PIWIL3: variants seen among roughly 807,000 people sequenced by gnomAD.
PIWIL3 encodes the protein piwi like RNA-mediated gene silencing 3, also known as piwi-like protein 3.
A neutral mutation model predicts 109.7 loss-of-function variants in PIWIL3; 101 were observed. The ratio of observed to expected loss-of-function variants is 0.92; its 90% confidence interval spans 0.78 to 1.09. The LOEUF (loss-of-function observed/expected upper bound fraction) is 1.09. Among genes scored for constraint, PIWIL3 ranks in the 50% least tolerant of loss-of-function variants. PIWIL3 has a pLI of 0.00. For synonymous variants in PIWIL3, 373 were observed against 376.4 expected (o/e 0.99, Z 0.10); for missense variants, 1,031 against 1,072.6 (o/e 0.96, Z 0.54).
chr22:24,741,593 A>C lies in PIWIL3; in HGVS notation c.1450-5701T>G, dbSNP rs534196508. On this transcript the variant is annotated intron_variant, in intron 12 of 20. Coordinates refer to ENST00000616349, the MANE Select transcript of PIWIL3 (RefSeq NM_001255975.1). ...ATCGGCATAGAAGGGACATACCTTAAGGTAATAAAAGCCATAGGATATAAA... is the reference window on the plus strand; with the variant it reads ...ATCGGCATAGAAGGGACATACCTTACGGTAATAAAAGCCATAGGATATAAA... Among the ~76,000 whole-genome samples, 109 of 152,310 alleles carry C rather than the reference A, an allele frequency of 7.2e-4. 2 individuals carry two copies. In the South Asian group the frequency reaches 0.022, roughly 31 times the overall value.
chr22:24,754,897 T>G, intron 6 of PIWIL3, 33 bp from the exon 7 acceptor site: 1 of 1,556,764 alleles, frequency 6.4e-7, no homozygotes, highest in Non-Finnish European at 8.9e-7. Flanking sequence ...TTGTTGAAAG[T>G]ACAGGGTACA....
At chr22:24,734,773 T>C (rs1923557606) in intron 13 of PIWIL3, among the ~76,000 whole-genome samples, 1 of 151,222 alleles carries the variant, frequency 6.6e-6, no homozygotes, top group Non-Finnish European at 1.5e-5. Context: ...GGTCCTGTGT[T>C]CCTAACAAAC....
chr22:24,770,834 CA>C (rs1258729535), intron 1 of PIWIL3, among the ~76,000 whole-genome samples: 1 of 149,322 alleles, frequency 6.7e-6, no homozygotes, highest in Non-Finnish European at 1.5e-5. Context: ...GACTCCATCT[CA>C]AAAAAATAAT....
intron 2 of PIWIL3, chr22:24,762,028 T>C: frequency 3.0e-6 from 3 of 997,198 alleles, no homozygotes; most frequent in Non-Finnish European, 3.6e-6. Context: ...TAACAAGTTT[T>C]CAACAAGGCT....
In PIWIL3 at chr22:24,749,408, G is replaced by T; in HGVS notation, c.1330C>A (p.Gln444Lys). 6.2e-7 allele frequency: 1 copy of T among 1,613,708 alleles called. No homozygotes were observed. Among genetic ancestry groups the T allele is most frequent in the African/African-American group, 1.3e-5 (1 of 75,010 alleles). The change falls in exon 11 of 21, where the codon CAA becomes AAA. Residue 444 changes from glutamine to lysine, a missense_variant. Transcript: ENST00000616349. Reference protein sequence around the residue: ...HTLKEFINTLQDNKKVRELLQ... With the variant: ...HTLKEFINTLKDNKKVRELLQ... ...AGCCAGAAAAGCAGCACTTACTCTT[G>T]TAGAGTATTGATGAATTCTTTTAAT...
At chr22:24,731,444 A>C (rs1249195568) in intron 14 of PIWIL3, among the ~76,000 whole-genome samples, 1 of 151,790 alleles carries the variant, frequency 6.6e-6, no homozygotes, top group Non-Finnish European at 1.5e-5. Flanking sequence ...CAAGGTCAGG[A>C]GATTGAGACC....
intron 12 of PIWIL3, among the ~76,000 whole-genome samples, chr22:24,741,772 C>T (rs1440265943): frequency 6.6e-6 from 1 of 152,056 alleles, no homozygotes; most frequent in East Asian, 1.9e-4. Context: ...AATTAGATAA[C>T]CCAATGATCA....
intron 16 of PIWIL3, 111 bp downstream of exon 16, chr22:24,727,839 T>A: frequency 1.2e-6 from 1 of 826,196 alleles, no homozygotes; most frequent in Non-Finnish European, 1.9e-6. Context: ...TAAGAATAAC[T>A]CATCTGTCAA....
intron 3 of PIWIL3, among the ~76,000 whole-genome samples, chr22:24,759,055 A>T (rs915358531): frequency 1.3e-5 from 2 of 152,120 alleles, no homozygotes; most frequent in African/African-American, 4.8e-5. Context: ...CACCATGCCC[A>T]GCTAATTTGT....
Position 24,719,483 on chromosome 22 carries a change from AGAGAC to A in PIWIL3, c.2606_2610del (p.Arg869LeufsTer25). On this transcript the variant is annotated frameshift_variant, in exon 21 of 21. Transcript: ENST00000616349. LOFTEE classifies it high-confidence loss of function. ...TCTTCTTCTGCAGGTCAAAGGTAAA[AGAGAC>A]GAGTTGACAAGGAACGATTCGGTTC... 1 of 1,584,804 alleles carries A rather than the reference AGAGAC, an allele frequency of 6.3e-7. No homozygotes were observed. Among genetic ancestry groups the A allele is most frequent in the East Asian group, 2.2e-5 (1 of 44,698 alleles).
chr22:24,743,858 A>T (rs1169426764), intron 12 of PIWIL3, among the ~76,000 whole-genome samples: 2 of 152,096 alleles, frequency 1.3e-5, no homozygotes, highest in East Asian at 1.9e-4. Flanking sequence ...GCAAACGACA[A>T]ATTTAAAATA....
chr22:24,756,716 G>C lies in PIWIL3; in HGVS notation c.356-11C>G. 6.3e-7 allele frequency: 1 copy of C among 1,599,648 alleles called. No individual in the cohort carries two copies. The highest frequency in any genetic ancestry group is 8.6e-7 in the Non-Finnish European group (1 of 1,167,992). On this transcript the variant is annotated splice_polypyrimidine_tract_variant and intron_variant, in intron 4 of 20. Transcript: ENST00000616349. Reference sequence around the variant, plus strand: ...CTGTACCCTCTGAACCTGAAAAATGGAGCCACATGACAATAAAGAAACAGA... The same window carrying C: ...CTGTACCCTCTGAACCTGAAAAATGCAGCCACATGACAATAAAGAAACAGA...
At chr22:24,750,100 G>A (rs912964765) in intron 9 of PIWIL3, among the ~76,000 whole-genome samples, 2 of 152,160 alleles carry the variant, frequency 1.3e-5, no homozygotes, top group African/African-American at 4.8e-5. Flanking sequence ...ATATGAGAAT[G>A]GGTGAGACAG....
chr22:24,762,708 C>T (rs1188464688), intron 1 of PIWIL3, among the ~76,000 whole-genome samples, 187 bp from the exon 2 acceptor site: 1 of 152,180 alleles, frequency 6.6e-6, no homozygotes, highest in Non-Finnish European at 1.5e-5. Flanking sequence ...CATGCTGCTT[C>T]AACTCCTGGT....
intron 14 of PIWIL3, among the ~76,000 whole-genome samples, chr22:24,732,002 T>C (rs898255737): frequency 6.6e-6 from 1 of 152,188 alleles, no homozygotes; most frequent in Non-Finnish European, 1.5e-5. Context: ...TCATTTAAAA[T>C]AGTGATCTGC....
chr22:24,767,160 A>G (rs1925843307), intron 1 of PIWIL3, among the ~76,000 whole-genome samples: 1 of 151,836 alleles, frequency 6.6e-6, no homozygotes, highest in South Asian at 2.1e-4. Context: ...TGCACTGTCT[A>G]TGGTGCAGCA....
At chr22:24,753,968 AG>A (rs1018408531) in intron 8 of PIWIL3, 45 bp downstream of exon 8, 1 of 1,473,938 alleles carries the variant, frequency 6.8e-7, no homozygotes, top group African/African-American at 1.4e-5. Context: ...GGGTGGGGGA[AG>A]GGGGAGTTAA....
chr22:24,755,254 C>T (rs1322522130), intron 6 of PIWIL3, among the ~76,000 whole-genome samples: 1 of 152,144 alleles, frequency 6.6e-6, no homozygotes, highest in Non-Finnish European at 1.5e-5. Flanking sequence ...TTTCAAGTAG[C>T]TGAAACCACA....
rs140574360 is a variant in PIWIL3, at chr22:24,734,083, C to G, written c.1707+1G>C. On this transcript the variant is annotated splice_donor_variant, in intron 14 of 20. Coordinates refer to ENST00000616349, the MANE Select transcript of PIWIL3 (RefSeq NM_001255975.1). LOFTEE classifies it high-confidence loss of function. ...TGTACATGTATCAACTAGACACTTA[C>G]CATCTGCAGTGTTGGTCTAGTATAT... 11 of 1,609,046 alleles carry G rather than the reference C, an allele frequency of 6.8e-6. No individual in the cohort carries two copies. The highest frequency in any genetic ancestry group is 8.5e-6 in the Non-Finnish European group (10 of 1,178,418).
Sources: allele counts gnomAD v4.1 joint callset (sites outside exome capture counted in the v4.1 genomes callset), GRCh38; gene constraint gnomAD v4.1.1; transcripts MANE v1.5; gene names NCBI Gene and HGNC (gene_info 2026-07-23, HGNC 2026-07-21).